Variants in AGBL1 observed in about 807,000 individuals in gnomAD.
AGBL1 encodes cytosolic carboxypeptidase 4.
In AGBL1, 130 loss-of-function variants were observed where a neutral mutation model predicts 118.9. The ratio of observed to expected loss-of-function variants is 1.09; its 90% CI spans 0.95 to 1.26. The LOEUF (loss-of-function observed/expected upper bound fraction) is 1.26, where lower values mean the gene tolerates loss of function less well. Ranked by LOEUF, AGBL1 falls within the 50% of genes most tolerant of loss-of-function variation. The pLI, the probability that AGBL1 is intolerant of heterozygous loss-of-function variation, is 0.00. For synonymous variants in AGBL1, 555 were observed against 478.9 expected (o/e 1.16, Z -2.08); for missense variants, 1,584 against 1,298.1 (o/e 1.22, Z -3.38).
intron 17 of AGBL1, among the ~76,000 whole-genome samples, chr15:86,308,075 A>G (rs1179495086): frequency 6.6e-6 from 1 of 152,192 alleles, no homozygotes; most frequent in Non-Finnish European, 1.5e-5. Context: ...AAACAGAAAC[A>G]TTATATAATT....
intron 7 of AGBL1, among the ~76,000 whole-genome samples, chr15:86,254,810 C>T (rs1298626913): frequency 6.6e-6 from 1 of 152,192 alleles, no homozygotes; most frequent in Non-Finnish European, 1.5e-5. Context: ...TTTCCATCAG[C>T]ATGAGGGAAA....
Position 86,394,371 on chromosome 15 carries a change from T to A in AGBL1, c.2375-2995T>A, listed in dbSNP as rs911762873. Among the ~76,000 whole-genome samples the A allele has an allele frequency of 1.4e-4, 21 of 152,274 alleles. No individual in the cohort carries two copies. In the East Asian group the frequency reaches 3.9e-3, roughly 28 times the overall value. Reference sequence around the variant, plus strand: ...TAAGATAGCGGTTCTCAATTGTTCTTTTCTAAAACACACATGTCAAATATC... The same window carrying A: ...TAAGATAGCGGTTCTCAATTGTTCTATTCTAAAACACACATGTCAAATATC... On this transcript the variant is annotated intron_variant, in intron 17 of 22. Transcript: ENST00000614907.
At chr15:86,478,039 T>C (rs1321087957) in intron 18 of AGBL1, among the ~76,000 whole-genome samples, 3 of 152,184 alleles carry the variant, frequency 2.0e-5, no homozygotes, top group East Asian at 3.8e-4. Flanking sequence ...CAGCCCTTCA[T>C]GCTAAAAACT....
intron 17 of AGBL1, among the ~76,000 whole-genome samples, chr15:86,353,118 C>A (rs940325464): frequency 6.6e-6 from 1 of 152,100 alleles, no homozygotes; most frequent in Non-Finnish European, 1.5e-5. Context: ...ATGTGATTTC[C>A]AATTAGTTTT....
At chr15:86,662,836 G>A (rs369608244) in intron 21 of AGBL1, among the ~76,000 whole-genome samples, 3 of 152,104 alleles carry the variant, frequency 2.0e-5, no homozygotes, top group South Asian at 2.1e-4. Flanking sequence ...TAGCCATTCC[G>A]CATGACCAGT....
At chr15:86,558,234 T>C (rs2083763268) in intron 21 of AGBL1, among the ~76,000 whole-genome samples, 1 of 152,144 alleles carries the variant, frequency 6.6e-6, no homozygotes, top group African/African-American at 2.4e-5. Flanking sequence ...ACCCAGGCAC[T>C]CAATTTCCCC....
chr15:86,437,099 A>T (rs889793385), intron 18 of AGBL1, among the ~76,000 whole-genome samples: 1 of 151,946 alleles, frequency 6.6e-6, no homozygotes, highest in African/African-American at 2.4e-5. Context: ...ATCATCAGAG[A>T]GAGTGGTTTT....
At chr15:86,597,910 TAAAAG>T (rs2084434649) in intron 21 of AGBL1, among the ~76,000 whole-genome samples, 1 of 152,096 alleles carries the variant, frequency 6.6e-6, no homozygotes, top group Non-Finnish European at 1.5e-5. Context: ...CTGAAACAGA[TAAAAG>T]AGAGGGAACA....
At chr15:86,873,554 G>C (rs955347323) in intron 22 of AGBL1, among the ~76,000 whole-genome samples, 6 of 152,060 alleles carry the variant, frequency 3.9e-5, no homozygotes, top group Non-Finnish European at 7.4e-5. Flanking sequence ...TAGAACCTTT[G>C]GGGAGTGGGG....
intron 22 of AGBL1, among the ~76,000 whole-genome samples, chr15:86,744,418 T>C (rs1405965032): frequency 6.6e-6 from 1 of 152,122 alleles, no homozygotes. Flanking sequence ...AGTGATCTGC[T>C]ATTGAAGCTG....
chr15:86,373,404 A>G (rs2141947513), intron 17 of AGBL1, among the ~76,000 whole-genome samples: 1 of 152,288 alleles, frequency 6.6e-6, no homozygotes, highest in Admixed American at 6.5e-5. Flanking sequence ...ATGGCTTAGC[A>G]TGGTGGAGGG....
chr15:86,741,319 C>T (rs1302727786), intron 22 of AGBL1, among the ~76,000 whole-genome samples: 1 of 128,568 alleles, frequency 7.8e-6, no homozygotes, highest in Non-Finnish European at 1.6e-5. Context: ...AAATGAGGGG[C>T]AGAAACACTG....
intron 24 of AGBL1, among the ~76,000 whole-genome samples, chr15:87,011,654 C>T (rs2081561718): frequency 1.3e-5 from 2 of 152,154 alleles, no homozygotes; most frequent in South Asian, 4.1e-4. Context: ...ACTGACTGCA[C>T]TGTAATGGAT....
At chr15:87,013,073 G>A (rs2081577065) in intron 24 of AGBL1, among the ~76,000 whole-genome samples, 2 of 152,176 alleles carry the variant, frequency 1.3e-5, no homozygotes, top group Admixed American at 6.5e-5. Context: ...GCCTGAATTA[G>A]TTTAACATTT....
At chr15:86,843,632 T>C (rs1008279138) in intron 22 of AGBL1, among the ~76,000 whole-genome samples, 1 of 152,200 alleles carries the variant, frequency 6.6e-6, no homozygotes, top group Non-Finnish European at 1.5e-5. Flanking sequence ...CCTTTCAACC[T>C]TAATTACATG....
chr15:86,657,333 T>C (rs1457220406), intron 21 of AGBL1, among the ~76,000 whole-genome samples: 1 of 152,178 alleles, frequency 6.6e-6, no homozygotes, highest in East Asian at 1.9e-4. Context: ...CAAGCTTTCC[T>C]CACTTCATGA....
At chr15:86,124,352 G>C (rs903308562) in intron 1 of AGBL1, among the ~76,000 whole-genome samples, 104 of 135,462 alleles carry the variant, frequency 7.7e-4, no homozygotes, top group African/African-American at 2.8e-3. Flanking sequence ...AAAAAACAAA[G>C]AAAACCCCCA....
At chr15:86,313,340 C>A (rs989469133) in intron 17 of AGBL1, among the ~76,000 whole-genome samples, 12 of 152,180 alleles carry the variant, frequency 7.9e-5, no homozygotes, top group African/African-American at 2.7e-4. Context: ...TCCCACATAC[C>A]AAATTGCAGT....
intron 21 of AGBL1, among the ~76,000 whole-genome samples, chr15:86,623,535 G>A (rs2084843117): frequency 6.6e-6 from 1 of 152,132 alleles, no homozygotes; most frequent in Admixed American, 6.5e-5. Context: ...TACCCAAACT[G>A]TCCTCCAACC....
Sources: gnomAD v4.1 joint callset for allele counts (sites outside exome capture counted in the v4.1 genomes callset) on GRCh38, gnomAD v4.1.1 for gene constraint, MANE v1.5 for transcripts, NCBI Gene and HGNC (gene_info 2026-07-23, HGNC 2026-07-21) for gene names.